Variants in EBF1 observed in about 807,000 individuals in gnomAD.
EBF1 encodes the protein EBF transcription factor 1.
In EBF1, 10 loss-of-function variants were observed where a neutral mutation model predicts 68.4. That is an observed-to-expected ratio of 0.15 (90% CI 0.09 to 0.25). The LOEUF (loss-of-function observed/expected upper bound fraction) is 0.25. Among genes scored for constraint, EBF1 ranks in the 10% least tolerant of loss-of-function variants. EBF1 has a pLI of 1.00. For missense variants in EBF1, 509 were observed against 794.4 expected (o/e 0.64, Z 4.32); for synonymous variants, 298 against 299.8 (o/e 0.99, Z 0.06).
At chr5:158,857,086 T>C (rs1335289585) in intron 6 of EBF1, among the ~76,000 whole-genome samples, 1 of 152,144 alleles carries the variant, frequency 6.6e-6, no homozygotes. Context: ...CGCCTCCTAC[T>C]CTCTGCCACA....
intron 6 of EBF1, among the ~76,000 whole-genome samples, chr5:158,855,776 A>C (rs1380448636): frequency 3.9e-5 from 6 of 152,258 alleles, no homozygotes; most frequent in African/African-American, 1.4e-4. Context: ...ACTATGCATC[A>C]GGACTTTCTC....
chr5:158,958,592 C>T (rs551605629), intron 6 of EBF1, among the ~76,000 whole-genome samples: 52 of 152,214 alleles, frequency 3.4e-4, no homozygotes, highest in Non-Finnish European at 6.2e-4. Context: ...CATAGGCTAT[C>T]GCTATTACCT....
At chr5:158,715,550 A>G (rs919646473) in intron 11 of EBF1, among the ~76,000 whole-genome samples, 1 of 152,192 alleles carries the variant, frequency 6.6e-6, no homozygotes, top group African/African-American at 2.4e-5. Context: ...CTCAATAAAC[A>G]TTTATGCTTG....
chr5:159,025,676 C>A (rs1767588126), intron 6 of EBF1, among the ~76,000 whole-genome samples: 1 of 152,204 alleles, frequency 6.6e-6, no homozygotes, highest in African/African-American at 2.4e-5. Context: ...AGGTCACAAG[C>A]AGTTGCCCTA....
chr5:158,903,074 T>G (rs1231932258), intron 6 of EBF1, among the ~76,000 whole-genome samples: 1 of 152,182 alleles, frequency 6.6e-6, no homozygotes, highest in Non-Finnish European at 1.5e-5. Context: ...AAATTAGCAC[T>G]GCCATTAGGT....
intron 1 of EBF1, chr5:159,097,347 G>A (rs1274965144): frequency 8.7e-6 from 5 of 572,178 alleles, no homozygotes; most frequent in Non-Finnish European, 6.1e-6. Flanking sequence ...GGACGGGTGC[G>A]TCCTCAGAAC....
At chr5:158,926,204 A>G (rs2127422528) in intron 6 of EBF1, among the ~76,000 whole-genome samples, 1 of 152,288 alleles carries the variant, frequency 6.6e-6, no homozygotes, top group Non-Finnish European at 1.5e-5. Context: ...ATCTATGTGT[A>G]TTTCAACAAG....
intron 15 of EBF1, 88 bp from the exon 16 acceptor site, chr5:158,699,230 C>CA: frequency 8.4e-7 from 1 of 1,196,756 alleles, no homozygotes; most frequent in Non-Finnish European, 1.2e-6. Flanking sequence ...AAAAAAAACA[C>CA]CCACACACAA....
At chr5:158,784,077 T>C (rs1346891633) in intron 9 of EBF1, among the ~76,000 whole-genome samples, 1 of 152,212 alleles carries the variant, frequency 6.6e-6, no homozygotes, top group African/African-American at 2.4e-5. Flanking sequence ...GTAATGACCT[T>C]GATAACGACT....
intron 11 of EBF1, 152 bp from the exon 12 acceptor site, chr5:158,714,334 C>G (rs1760144115): frequency 6.6e-6 from 5 of 754,910 alleles, no homozygotes; most frequent in Non-Finnish European, 1.1e-5. Flanking sequence ...TGTTAAATCA[C>G]CAATTTATCC....
intron 6 of EBF1, among the ~76,000 whole-genome samples, chr5:159,020,004 C>T (rs1281395522): frequency 6.6e-6 from 1 of 152,036 alleles, no homozygotes; most frequent in Non-Finnish European, 1.5e-5. Flanking sequence ...GTGACCTCAG[C>T]CCTGGGATCT....
chr5:158,845,445 C>T (rs1031700213), intron 6 of EBF1, among the ~76,000 whole-genome samples: 2 of 152,090 alleles, frequency 1.3e-5, no homozygotes, highest in Middle Eastern at 3.2e-3. Context: ...GGAGGAACAT[C>T]GGAACCTACT....
intron 6 of EBF1, among the ~76,000 whole-genome samples, chr5:158,861,830 G>T (rs1795009809): frequency 6.8e-6 from 1 of 148,078 alleles, no homozygotes. Context: ...TCTTATAAAG[G>T]TTGATTTATT....
intron 6 of EBF1, among the ~76,000 whole-genome samples, chr5:159,018,704 C>T (rs1342425878): frequency 6.6e-6 from 1 of 152,158 alleles, no homozygotes; most frequent in African/African-American, 2.4e-5. Context: ...ATCATTTAAT[C>T]CTTACAAAAA....
intron 6 of EBF1, among the ~76,000 whole-genome samples, chr5:158,864,887 C>G (rs962791178): frequency 6.6e-6 from 1 of 152,168 alleles, no homozygotes; most frequent in African/African-American, 2.4e-5. Context: ...CAGGATCATT[C>G]TATCTCTAAC....
intron 6 of EBF1, among the ~76,000 whole-genome samples, chr5:158,887,495 C>T (rs1800292978): frequency 2.6e-5 from 4 of 152,160 alleles, no homozygotes; most frequent in Admixed American, 2.0e-4. Context: ...CACGCTAAGG[C>T]TCATCTCTGA....
chr5:158,874,615 G>T (rs1460004161), intron 6 of EBF1, among the ~76,000 whole-genome samples: 1 of 152,092 alleles, frequency 6.6e-6, no homozygotes, highest in Non-Finnish European at 1.5e-5. Context: ...AATAAATTAC[G>T]CTGTGTGTAG....
At chr5:158,776,776 C>A (rs761304704) in intron 10 of EBF1, among the ~76,000 whole-genome samples, 1 of 152,174 alleles carries the variant, frequency 6.6e-6, no homozygotes, top group Non-Finnish European at 1.5e-5. Flanking sequence ...TTGCACTTCA[C>A]AATCTAGGGA....
intron 6 of EBF1, among the ~76,000 whole-genome samples, chr5:159,064,441 T>C (rs17056513): frequency 0.06 from 9,141 of 152,244 alleles, 776 homozygotes; most frequent in East Asian, 0.4. Context: ...AAGTGGATAG[T>C]TCCTTAGGCT....
Sources: gnomAD v4.1 joint callset for allele counts (sites outside exome capture counted in the v4.1 genomes callset) on GRCh38, gnomAD v4.1.1 for gene constraint, MANE v1.5 for transcripts, NCBI Gene and HGNC (gene_info 2026-07-23, HGNC 2026-07-21) for gene names.